Variants in WTIP observed in about 807,000 individuals in gnomAD.
WTIP encodes the protein Wilms tumor protein 1-interacting protein.
Under a neutral mutation model 41.7 loss-of-function variants are expected in WTIP, and 23 were observed. The observed-to-expected ratio is 0.55, with a 90% CI of 0.40 to 0.78. The LOEUF (loss-of-function observed/expected upper bound fraction) is 0.78, where lower values mean the gene tolerates loss of function less well. Ranked by LOEUF, WTIP falls within the 30% of genes least tolerant of loss-of-function variation. WTIP has a pLI of 0.00. For missense variants in WTIP, 619 were observed against 610.5 expected, an observed-to-expected ratio of 1.01 and a Z score of -0.15; for synonymous variants, 314 against 269.9, an observed-to-expected ratio of 1.16 and a Z score of -1.60.
chr19:34,485,243 C>T (rs536326933), intron 1 of WTIP, among the ~76,000 whole-genome samples: 26 of 152,146 alleles, frequency 1.7e-4, no homozygotes, highest in South Asian at 8.3e-4. Flanking sequence ...CCGCCATGCC[C>T]GGCTAATTTT....
intron 1 of WTIP, among the ~76,000 whole-genome samples, chr19:34,483,881 A>G (rs948143179): frequency 6.8e-6 from 1 of 147,812 alleles, no homozygotes; most frequent in Admixed American, 6.7e-5. Context: ...TGAGCGTTCA[A>G]TGGTGTCAGC....
rs61741583 is a variant in WTIP at position 34,495,708 on chromosome 19, C to G, written c.1089C>G (p.Cys363Trp). The G allele has an allele frequency of 2.5e-6, 4 of 1,613,870 alleles. No homozygotes were observed. The highest frequency in any genetic ancestry group is 3.4e-6 in the Non-Finnish European group (4 of 1,179,900). ...AACTCCTTCTCTTCCTCCAGGGCTGCGAGACAACCATCCGTGTGGTGTCCA... is the reference window on the plus strand; with the variant it reads ...AACTCCTTCTCTTCCTCCAGGGCTGGGAGACAACCATCCGTGTGGTGTCCA... ...CARPILPAQG[C>W]ETTIRVVSMD... Residue 363 changes from cysteine (C) to tryptophan (W), a missense_variant, in exon 7 of 8, where the codon TGC (cysteine) becomes TGG (tryptophan). Cys to Trp is a radical substitution (Grantham distance 215, BLOSUM62 -2). Transcript: ENST00000590071.
chr19:34,484,534 G>A (rs567627936), intron 1 of WTIP, among the ~76,000 whole-genome samples: 4 of 152,262 alleles, frequency 2.6e-5, no homozygotes, highest in African/African-American at 9.6e-5. Flanking sequence ...GTCATCTCCC[G>A]TGTCAGGCAG....
intron 2 of WTIP, among the ~76,000 whole-genome samples, chr19:34,491,621 A>G (rs1054089462): frequency 6.8e-6 from 1 of 147,394 alleles, no homozygotes; most frequent in Non-Finnish European, 1.5e-5. Context: ...CTTGCCCGGT[A>G]AAATACCCTA....
At position 34,511,071 on chromosome 19, in the gene WTIP, G is replaced by A. The variant is rs1201817199; in HGVS notation, c.*10802G>A. The A allele has an allele frequency of 1.3e-5, 2 of 152,258 alleles. No homozygotes were observed. The highest frequency in any genetic ancestry group is 4.8e-5 in the African/African-American group (2 of 41,358). The allele number at this position is 152,258 out of a possible 1,614,324, so 9.4% of individuals were successfully genotyped here. ...TCCAAAGTTGCTTCCACATTTTCGG[G>A]TATGTTTTCAGCAACACCCCACTCC... On this transcript the variant is annotated 3_prime_UTR_variant, in exon 8 of 8. Transcript: ENST00000590071.
intron 1 of WTIP, among the ~76,000 whole-genome samples, chr19:34,490,064 CTCTG>C (rs2075817783): frequency 6.6e-6 from 1 of 152,240 alleles, no homozygotes; most frequent in South Asian, 2.1e-4. Context: ...CATAGTGAGA[CTCTG>C]TCCCTATTTA....
rs2075935732 is a variant in WTIP at position 34,512,249 on chromosome 19, GACCCCACGTATTGT to G, written c.*11983_*11996del. ...TGGCATTGGCTGTTGGCATCATGAG[GACCCCACGTATTGT>G]ACTTTGATAAAGTTAATAAATGGAA... On this transcript the variant is annotated 3_prime_UTR_variant, in exon 8 of 8. Transcript: ENST00000590071. The G allele has an allele frequency of 6.6e-6, 1 of 152,184 alleles. No homozygotes were observed. Among genetic ancestry groups the G allele is most frequent in the Non-Finnish European group, 1.5e-5 (1 of 68,046 alleles). 9.4% of individuals were successfully genotyped at this position (152,184 alleles called of 1,614,324 possible).
chr19:34,490,521 C>A, intron 2 of WTIP, 44 bp downstream of exon 2: 1 of 1,560,122 alleles, frequency 6.4e-7, no homozygotes, highest in Non-Finnish European at 8.8e-7. Flanking sequence ...AGGGGACCTG[C>A]CACATCATCC....
At position 34,481,960 on chromosome 19, in the gene WTIP, C is replaced by T. The variant is rs1398134799; in HGVS notation, c.-15C>T. 1.0e-6 allele frequency: 1 copy of T among 999,830 alleles called. No homozygotes were observed. Among genetic ancestry groups the T allele is most frequent in the African/African-American group, 1.7e-5 (1 of 57,166 alleles). The allele number at this position is 999,830 out of a possible 1,614,324, so 61.9% of individuals were successfully genotyped here. ...CGGAGGCGGAGGTGACGCGCCAGGG[C>T]CGGCGGGCCGGGCCATGCAGCGCTC... On this transcript the variant is annotated 5_prime_UTR_variant, in exon 1 of 8. Coordinates refer to ENST00000590071, the MANE Select transcript of WTIP (RefSeq NM_001080436.2).
In WTIP at chr19:34,490,416, G is replaced by C. The variant is rs775842898; in HGVS notation, c.708G>C (p.Gln236His). 2 of 1,614,006 alleles carry C rather than the reference G, an allele frequency of 1.2e-6. No individual in the cohort carries two copies. Among genetic ancestry groups the C allele is most frequent in the Non-Finnish European group, 1.7e-6 (2 of 1,179,872 alleles). The change falls in exon 2 of 8, where the codon CAG (glutamine) becomes CAC (histidine). Residue 236 changes from glutamine (Q) to histidine (H), a missense_variant. Physicochemically the swap from Gln to His is conservative, Grantham distance 24. Around this residue, in one of 3 missense-constraint regions of WTIP, gnomAD observed 164 missense variants for 219.1 expected, o/e 0.75. Coordinates refer to ENST00000590071, the MANE Select transcript of WTIP (RefSeq NM_001080436.2). ...IKCGLGIYGA[Q>H]QACQAMGSLY... ...GTGGGCTTGGCATCTACGGAGCCCA[G>C]CAGGCGTGCCAGGCAATGGGGAGTC...
chr19:34,484,805 C>T (rs2075789266), intron 1 of WTIP, among the ~76,000 whole-genome samples: 1 of 151,792 alleles, frequency 6.6e-6, no homozygotes, highest in African/African-American at 2.4e-5. Flanking sequence ...TGGCTCACAC[C>T]TGTAATCCCA....
At chr19:34,494,347 A>T (rs2075841744) in intron 5 of WTIP, among the ~76,000 whole-genome samples, 3 of 151,574 alleles carry the variant, frequency 2.0e-5, no homozygotes, top group East Asian at 3.9e-4. Context: ...TGAACCCAGG[A>T]ATTTGAGACC....
intron 7 of WTIP, among the ~76,000 whole-genome samples, chr19:34,497,495 G>C (rs1329031798): frequency 6.6e-6 from 1 of 152,214 alleles, no homozygotes; most frequent in East Asian, 1.9e-4. Context: ...CAGGGAGCAA[G>C]TGAGGTCTTC....
intron 2 of WTIP, among the ~76,000 whole-genome samples, chr19:34,492,145 T>C (rs1283803620): frequency 6.8e-6 from 1 of 147,128 alleles, no homozygotes; most frequent in African/African-American, 2.5e-5. Flanking sequence ...CAGGGTCTTA[T>C]GTCTTCATCC....
At chr19:34,486,131 T>A (rs2075796010) in intron 1 of WTIP, among the ~76,000 whole-genome samples, 1 of 151,960 alleles carries the variant, frequency 6.6e-6, no homozygotes, top group African/African-American at 2.4e-5. Context: ...CCGTTTTCCC[T>A]TCACTCTAGC....
At position 34,502,743 on chromosome 19, in the gene WTIP, GA is replaced by G. The variant is rs994529431; in HGVS notation, c.*2475del. 2 of 152,180 alleles carry G rather than the reference GA, an allele frequency of 1.3e-5. No homozygotes were observed. Among genetic ancestry groups the G allele is most frequent in the African/African-American group, 4.8e-5 (2 of 41,408 alleles). The allele number at this position is 152,180 out of a possible 1,614,324, so 9.4% of individuals were successfully genotyped here. ...CCTTACTTTTTGTATTTTTAGTTGA[GA>G]GGGGGTTTCAGCATGTTGGCCAGGT... On this transcript the variant is annotated 3_prime_UTR_variant, in exon 8 of 8. Transcript: ENST00000590071.
In WTIP at chr19:34,482,019, G is replaced by C; in HGVS notation, c.45G>C (p.Leu15=). The part of the protein sequence containing the change: ...RAGADEAALL[L]AGLALRELEP... ...GCGCGGACGAGGCGGCCCTACTCCTGGCCGGGCTGGCCCTGCGGGAGCTGG... is the reference window on the plus strand; with the variant it reads ...GCGCGGACGAGGCGGCCCTACTCCTCGCCGGGCTGGCCCTGCGGGAGCTGG... The change falls in exon 1 of 8, where the codon CTG becomes CTC. Residue 15 remains leucine, a synonymous_variant. Coordinates refer to ENST00000590071, the MANE Select transcript of WTIP (RefSeq NM_001080436.2). 1 of 1,023,586 alleles carries C rather than the reference G, an allele frequency of 9.8e-7. No homozygotes were observed. Among genetic ancestry groups the C allele is most frequent in the Non-Finnish European group, 1.2e-6 (1 of 856,118 alleles). 63.4% of individuals were successfully genotyped at this position (1,023,586 alleles called of 1,614,324 possible). A position where few individuals can be genotyped will look rare whatever the true frequency, so the allele number is the denominator to read the frequency against.
intron 2 of WTIP, 99 bp downstream of exon 2, chr19:34,490,576 C>T (rs1443375641): frequency 1.6e-6 from 2 of 1,248,626 alleles, no homozygotes; most frequent in Non-Finnish European, 2.3e-6. Flanking sequence ...GGCAGATGGA[C>T]CACCTGGCTC....
chr19:34,490,320 G>A (rs943628515), intron 1 of WTIP, 56 bp from the exon 2 acceptor site: 108 of 1,542,124 alleles, frequency 7.0e-5, no homozygotes, highest in South Asian at 2.4e-4. Context: ...GGAGTCCGTC[G>A]GTGTGGCATA....
Sources: allele counts gnomAD v4.1 joint callset (sites outside exome capture counted in the v4.1 genomes callset), GRCh38; gene constraint gnomAD v4.1.1; regional missense constraint gnomAD v4.1.1; transcripts MANE v1.5; gene names NCBI Gene and HGNC (gene_info 2026-07-23, HGNC 2026-07-21).